The following KCNC2 variants were observed in gnomAD, a reference collection of about 807,000 sequenced individuals.
The protein encoded by KCNC2 is voltage-gated potassium channel KCNC2.
A neutral mutation model predicts 44.5 loss-of-function variants in KCNC2; 21 were observed. The observed-to-expected ratio is 0.47, with a 90% CI of 0.33 to 0.68. The LOEUF is 0.68. KCNC2 is among the 30% of genes least tolerant of loss of function. The pLI, the probability that KCNC2 is intolerant of heterozygous loss-of-function variation, is 0.01. For missense variants in KCNC2, 589 were observed against 826.2 expected (o/e 0.71, Z 3.52); for synonymous variants, 391 against 339.1 (o/e 1.15, Z -1.68).
At chr12:75,094,912 C>T (rs79558731) in intron 2 of KCNC2, among the ~76,000 whole-genome samples, 5,073 of 151,864 alleles carry the variant, frequency 0.033, 244 homozygotes, top group East Asian at 0.15. Flanking sequence ...ACATTAGCTA[C>T]TGCTTAGAAA....
chr12:75,055,895 T>G (rs1343553632), intron 2 of KCNC2, among the ~76,000 whole-genome samples: 1 of 152,094 alleles, frequency 6.6e-6, no homozygotes, highest in Non-Finnish European at 1.5e-5. Context: ...ATTTTTATTT[T>G]CCTCATTTTC....
At chr12:75,147,931 C>T (rs898115911) in intron 2 of KCNC2, among the ~76,000 whole-genome samples, 5 of 152,094 alleles carry the variant, frequency 3.3e-5, no homozygotes, top group Non-Finnish European at 5.9e-5. Flanking sequence ...ATAGTCCAAA[C>T]TACAAATACA....
intron 2 of KCNC2, among the ~76,000 whole-genome samples, chr12:75,094,791 GA>G (rs1484225260): frequency 2.0e-5 from 3 of 151,680 alleles, no homozygotes; most frequent in African/African-American, 7.2e-5. Context: ...ATAATCAAAT[GA>G]AAGCTCTATC....
intron 2 of KCNC2, among the ~76,000 whole-genome samples, chr12:75,148,492 C>T (rs1890173304): frequency 6.6e-6 from 1 of 152,012 alleles, no homozygotes; most frequent in South Asian, 2.1e-4. Context: ...GTTTTTCCTT[C>T]AGCTTATGTC....
At chr12:75,162,925 T>C (rs1891214312) in intron 2 of KCNC2, among the ~76,000 whole-genome samples, 2 of 151,748 alleles carry the variant, frequency 1.3e-5, no homozygotes, top group African/African-American at 4.8e-5. Flanking sequence ...TTATTTCCTG[T>C]ACTTTAAAGT....
At chr12:75,177,032 TTATATATATATA>T (rs3073537) in intron 2 of KCNC2, among the ~76,000 whole-genome samples, 1 of 139,912 alleles carries the variant, frequency 7.1e-6, no homozygotes, top group African/African-American at 2.7e-5. Context: ...GCTGCAAGTT[TTATATATATATA>T]TATATATATA....
chr12:75,079,794 A>G (rs1384807563), intron 2 of KCNC2, among the ~76,000 whole-genome samples: 2 of 152,178 alleles, frequency 1.3e-5, no homozygotes, highest in Non-Finnish European at 1.5e-5. Context: ...AAAAGCTACG[A>G]TAATTTTCTG....
chr12:75,163,046 C>T (rs1010449517), intron 2 of KCNC2, among the ~76,000 whole-genome samples: 2 of 151,688 alleles, frequency 1.3e-5, no homozygotes, highest in Admixed American at 1.3e-4. Flanking sequence ...ACAAGCCTGA[C>T]CATGTGAGTC....
chr12:75,171,313 G>T (rs911900870), intron 2 of KCNC2, among the ~76,000 whole-genome samples: 1 of 151,784 alleles, frequency 6.6e-6, no homozygotes, highest in Non-Finnish European at 1.5e-5. Context: ...ATGCTGAAGG[G>T]AAAGAGATTA....
At chr12:75,074,494 C>T (rs1026340885) in intron 2 of KCNC2, among the ~76,000 whole-genome samples, 1 of 152,152 alleles carries the variant, frequency 6.6e-6, no homozygotes, top group African/African-American at 2.4e-5. Flanking sequence ...AATTTAACAT[C>T]ATATCAAGTT....
At position 75,168,045 on chromosome 12, in the gene KCNC2, G is replaced by A. The variant is rs1413505979; in HGVS notation, c.687+39252C>T. On this transcript the variant is annotated intron_variant, in intron 2 of 4. Coordinates refer to ENST00000549446, the MANE Select transcript of KCNC2 (RefSeq NM_139137.4). ...AATGAGCTCAATATCCAAGTAATTT[G>A]GAATTGCTATCTTTAAATGTCTAAT... 2.6e-5 allele frequency among the ~76,000 whole-genome samples: 4 copies of A among 151,100 alleles called. No homozygotes were observed. In the Admixed American group the frequency reaches 2.6e-4, roughly 10 times the overall value.
chr12:75,085,995 C>T (rs529998783), intron 2 of KCNC2, among the ~76,000 whole-genome samples: 4 of 152,002 alleles, frequency 2.6e-5, no homozygotes, highest in Admixed American at 1.3e-4. Context: ...AGGTGAAAGT[C>T]GGACCTATGC....
At chr12:75,105,510 T>C (rs900779763) in intron 2 of KCNC2, among the ~76,000 whole-genome samples, 3 of 152,056 alleles carry the variant, frequency 2.0e-5, no homozygotes, top group African/African-American at 7.2e-5. Flanking sequence ...AGGACAAAGG[T>C]GAAGGCAGGA....
At chr12:75,069,129 C>T (rs201876264) in intron 2 of KCNC2, among the ~76,000 whole-genome samples, 368 of 63,602 alleles carry the variant, frequency 5.8e-3, no homozygotes, top group Admixed American at 8.2e-3. Flanking sequence ...TTTATATAAT[C>T]TTTTTTTTTT....
intron 2 of KCNC2, among the ~76,000 whole-genome samples, chr12:75,112,698 C>T (rs1250928235): frequency 2.0e-5 from 3 of 151,838 alleles, no homozygotes; most frequent in African/African-American, 7.3e-5. Context: ...AATTTAGGCC[C>T]AATCAGCTAC....
rs1879747412 is a variant in KCNC2, at chr12:75,040,162, T to C, written c.*2943A>G. On this transcript the variant is annotated 3_prime_UTR_variant, in exon 5 of 5. Coordinates refer to ENST00000549446, the MANE Select transcript of KCNC2 (RefSeq NM_139137.4). ...ATTCTTCATTTCAGTTAGTTACATT[T>C]CCACTGGTTATCATCAAGGTTGTGC... is the stretch of plus-strand genomic sequence containing the variant. The C allele has an allele frequency of 6.6e-6, 1 of 152,060 alleles. No individual in the cohort carries two copies. Among genetic ancestry groups the C allele is most frequent in the Non-Finnish European group, 1.5e-5 (1 of 67,958 alleles). 9.4% of individuals were successfully genotyped at this position (152,060 alleles called of 1,614,324 possible). A position where few individuals can be genotyped will look rare whatever the true frequency, so the allele number is the denominator to read the frequency against.
rs1880529258 is a variant in KCNC2, at chr12:75,046,484, A to G, written c.1780+1669T>C. 2.6e-5 allele frequency among the ~76,000 whole-genome samples: 4 copies of G among 151,926 alleles called. No individual in the cohort carries two copies. In the South Asian group the frequency reaches 8.3e-4, roughly 32 times the overall value. On this transcript the variant is annotated intron_variant, in intron 4 of 4. Coordinates refer to ENST00000549446, the MANE Select transcript of KCNC2 (RefSeq NM_139137.4). ...AATCTTAGTATAAATATTACATGTG[A>G]TAATCTTATTGAATGCTGCTTAAAA...
intron 2 of KCNC2, among the ~76,000 whole-genome samples, chr12:75,110,432 C>T (rs1229619757): frequency 6.6e-6 from 1 of 152,130 alleles, no homozygotes; most frequent in African/African-American, 2.4e-5. Context: ...CCAGATGAGA[C>T]ACCTATCACC....
chr12:75,089,237 C>A (rs531067100), intron 2 of KCNC2, among the ~76,000 whole-genome samples: 4 of 151,794 alleles, frequency 2.6e-5, no homozygotes, highest in African/African-American at 4.8e-5. Context: ...AAATTAAGTG[C>A]CTATATAATT....
Sources: gnomAD v4.1 joint callset for allele counts (sites outside exome capture counted in the v4.1 genomes callset) on GRCh38, gnomAD v4.1.1 for gene constraint, MANE v1.5 for transcripts, NCBI Gene and HGNC (gene_info 2026-07-23, HGNC 2026-07-21) for gene names.